TANGO2: variants seen among roughly 807,000 people sequenced by gnomAD.
TANGO2 encodes the protein transport and Golgi organization protein 2 homolog.
A neutral mutation model predicts 39.1 loss-of-function variants in TANGO2; 26 were observed. The observed-to-expected ratio is 0.67, with a 90% CI of 0.49 to 0.92. The LOEUF is 0.92. Among genes scored for constraint, TANGO2 ranks in the 40% least tolerant of loss-of-function variants. TANGO2 has a pLI of 0.00. For missense variants in TANGO2, 326 were observed against 360.1 expected (o/e 0.91, Z 0.77); for synonymous variants, 131 against 144.5 (o/e 0.91, Z 0.67).
intron 3 of TANGO2, among the ~76,000 whole-genome samples, chr22:20,051,401 C>T (rs2046327464): frequency 6.6e-6 from 1 of 151,794 alleles, no homozygotes; most frequent in African/African-American, 2.4e-5. Flanking sequence ...TGTGATGGCA[C>T]ATGCCTGTAA....
intron 5 of TANGO2, chr22:20,054,484 G>A (rs974463789): frequency 1.3e-5 from 2 of 152,512 alleles, no homozygotes; most frequent in African/African-American, 4.8e-5. Flanking sequence ...GCACTCAGCA[G>A]CTGTGTGGAG....
At chr22:20,031,343 G>C (rs543544434) in intron 1 of TANGO2, among the ~76,000 whole-genome samples, 61 of 152,328 alleles carry the variant, frequency 4.0e-4, no homozygotes, top group Middle Eastern at 6.8e-3. Flanking sequence ...ACAGAGTGGA[G>C]GTGATGTGCT....
rs2047526648 is a variant in TANGO2 at position 20,057,154 on chromosome 22, G to A, written c.451+1141G>A. On this transcript the variant is annotated intron_variant, in intron 6 of 8. Coordinates refer to ENST00000327374, the MANE Select transcript of TANGO2 (RefSeq NM_152906.7). This position sits in a 1 kb window ranked among gnomAD's most constrained non-coding sequence, Gnocchi z 4.1. Reference sequence around the variant, plus strand: ...CCAGGCGTCCCTGGAGGGGCCCGAGGGAGATGATAAGCAGTCCCCAGGACA... The same window carrying A: ...CCAGGCGTCCCTGGAGGGGCCCGAGAGAGATGATAAGCAGTCCCCAGGACA... 1 of 362,472 alleles carries A rather than the reference G, an allele frequency of 2.8e-6. No individual in the cohort carries two copies. The highest frequency in any genetic ancestry group is 5.5e-6 in the Non-Finnish European group (1 of 182,874). The allele number at this position is 362,472 out of a possible 1,614,324, so 22.5% of individuals were successfully genotyped here. A position where few individuals can be genotyped will look rare whatever the true frequency, so the allele number is the denominator to read the frequency against.
upstream of TANGO2, among the ~76,000 whole-genome samples, chr22:20,020,577 G>C (rs1230004028): frequency 6.6e-6 from 1 of 152,074 alleles, no homozygotes; most frequent in Non-Finnish European, 1.5e-5. Flanking sequence ...CCAGGGTCTG[G>C]GGGTACATAC....
At chr22:20,035,130 G>T (rs1211017670) in intron 1 of TANGO2, among the ~76,000 whole-genome samples, 3 of 152,222 alleles carry the variant, frequency 2.0e-5, no homozygotes, top group Non-Finnish European at 4.4e-5. Context: ...TATGCAGAGT[G>T]GTGGCCAGCA....
At chr22:20,058,844 G>A (rs959905013) in intron 6 of TANGO2, among the ~76,000 whole-genome samples, 1 of 152,080 alleles carries the variant, frequency 6.6e-6, no homozygotes, top group African/African-American at 2.4e-5. Flanking sequence ...TATTCAGCAG[G>A]TTTGGGGAAA....
At chr22:20,027,209 G>T (rs1035454273) in intron 1 of TANGO2, among the ~76,000 whole-genome samples, 2 of 152,172 alleles carry the variant, frequency 1.3e-5, no homozygotes, top group African/African-American at 4.8e-5. Context: ...ACAGCACCGG[G>T]GGGGATGGTG....
chr22:20,031,390 G>A (rs922595454), intron 1 of TANGO2, among the ~76,000 whole-genome samples: 4 of 152,198 alleles, frequency 2.6e-5, no homozygotes, highest in Admixed American at 6.5e-5. Flanking sequence ...TTCTTTTCTT[G>A]TCCTGGCTCA....
upstream of TANGO2, among the ~76,000 whole-genome samples, chr22:20,017,805 G>C (rs1189290365): frequency 6.6e-6 from 1 of 152,192 alleles, no homozygotes; most frequent in Non-Finnish European, 1.5e-5. Flanking sequence ...TTGTGGTGTA[G>C]GGGGGAACCA....
chr22:20,052,920 T>A (rs1402773767), intron 4 of TANGO2, among the ~76,000 whole-genome samples: 1 of 152,110 alleles, frequency 6.6e-6, no homozygotes, highest in Non-Finnish European at 1.5e-5. Flanking sequence ...TGCAGGGGTA[T>A]GCGGCAGAGA....
At chr22:20,024,141 A>G (rs1601794744) in intron 1 of TANGO2, among the ~76,000 whole-genome samples, 1 of 151,792 alleles carries the variant, frequency 6.6e-6, no homozygotes, top group African/African-American at 2.4e-5. Flanking sequence ...GAGAGAGGTC[A>G]CCCTCTCCAG....
chr22:20,056,859 T>C (rs910144944), intron 6 of TANGO2: 2 of 456,662 alleles, frequency 4.4e-6, no homozygotes, highest in Non-Finnish European at 8.8e-6. Flanking sequence ...GCTGGTGGCA[T>C]CGTGGAACTC....
Position 20,063,510 on chromosome 22 carries a change from A to G in TANGO2, c.710+68A>G, listed in dbSNP as rs2048765064. The G allele has an allele frequency of 1.2e-5, 16 of 1,381,334 alleles. No homozygotes were observed. In the Middle Eastern group the frequency reaches 5.4e-4, roughly 46 times the overall value. 85.6% of individuals were successfully genotyped at this position (1,381,334 alleles called of 1,614,324 possible). On this transcript the variant is annotated intron_variant, in intron 8 of 8. Transcript: ENST00000327374. ...CACCTCCCACGCTAGAGGGCCGGCA[A>G]AGAAGCCAAGTGCCCATAGCCAGAG...
intron 6 of TANGO2, 174 bp downstream of exon 6, chr22:20,056,187 G>T (rs1435263555): frequency 1.4e-6 from 1 of 707,428 alleles, no homozygotes; most frequent in Admixed American, 2.0e-5. Context: ...ACTTCAGAGA[G>T]CCCTGGCTCC....
intron 3 of TANGO2, 63 bp from the exon 4 acceptor site, chr22:20,052,402 G>A (rs2046519447): frequency 6.4e-7 from 1 of 1,551,452 alleles, no homozygotes; most frequent in African/African-American, 1.4e-5. Flanking sequence ...TCCCAGGGCT[G>A]GGAACCAGGT....
At chr22:20,061,401 G>A (rs755185584) in intron 6 of TANGO2, 129 bp from the exon 7 acceptor site, 97 of 1,040,762 alleles carry the variant, frequency 9.3e-5, no homozygotes, top group Admixed American at 1.6e-4. Flanking sequence ...AGCATGGAGC[G>A]GCTTGGCCTC....
At position 20,059,117 on chromosome 22, in the gene TANGO2, G is replaced by A. The variant is rs139674450; in HGVS notation, c.452-2413G>A. Among the ~76,000 whole-genome samples, 350 of 152,258 alleles carry A rather than the reference G, an allele frequency of 2.3e-3. 2 individuals are homozygous for A. The highest frequency in any genetic ancestry group is 8.0e-3 in the African/African-American group (333 of 41,548). Reference sequence around the variant, plus strand: ...TGTCCAGTCAGGGTTGTGGTGGTCTGGGCTGTCAAGAGTTAGGAGGGTCTG... The same window carrying A: ...TGTCCAGTCAGGGTTGTGGTGGTCTAGGCTGTCAAGAGTTAGGAGGGTCTG... On this transcript the variant is annotated intron_variant, in intron 6 of 8. Transcript: ENST00000327374.
upstream of TANGO2, among the ~76,000 whole-genome samples, chr22:20,018,970 A>C (rs1945397156): frequency 6.6e-6 from 1 of 152,216 alleles, no homozygotes. Context: ...CCATAGTCCC[A>C]GCTACTTGGG....
intron 6 of TANGO2, 128 bp downstream of exon 6, chr22:20,056,141 CT>C: frequency 1.2e-6 from 1 of 805,416 alleles, no homozygotes; most frequent in Non-Finnish European, 2.1e-6. Context: ...ATTTAAGTGC[CT>C]TATGGTCTGT....
Sources: allele counts gnomAD v4.1 joint callset (sites outside exome capture counted in the v4.1 genomes callset), GRCh38; gene constraint gnomAD v4.1.1; non-coding constraint Gnocchi (gnomAD v3.1); transcripts MANE v1.5; gene names NCBI Gene and HGNC (gene_info 2026-07-23, HGNC 2026-07-21).